RHPN2: variants seen among roughly 807,000 people sequenced by gnomAD.
RHPN2 encodes rhophilin Rho GTPase binding protein 2, also known as rhophilin-2.
A neutral mutation model predicts 79.0 loss-of-function variants in RHPN2; 40 were observed. The ratio of observed to expected loss-of-function variants is 0.51; its 90% CI spans 0.39 to 0.66. The LOEUF (loss-of-function observed/expected upper bound fraction) is 0.66. Among genes scored for constraint, RHPN2 ranks in the 30% least tolerant of loss-of-function variants. The pLI is 0.00. For synonymous variants in RHPN2, 285 were observed against 363.5 expected (o/e 0.78, Z 2.46); for missense variants, 686 against 883.5 (o/e 0.78, Z 2.83).
In RHPN2 at chr19:32,992,593, G is replaced by A. The variant is rs1207071594; in HGVS notation, c.1498-624C>T. ...TGTGACCAAGGCAGAAGGATCGCTC[G>A]AGGCCAGGGGTTTGAGACCAGCCTA... On this transcript the variant is annotated intron_variant, in intron 12 of 14. Transcript: ENST00000254260. 4.6e-5 allele frequency among the ~76,000 whole-genome samples: 7 copies of A among 152,286 alleles called. No homozygotes were observed. The South Asian group carries it at 1.0e-3, about 23-fold the overall frequency.
chr19:33,037,021 G>A (rs1972064116), intron 2 of RHPN2, among the ~76,000 whole-genome samples: 1 of 152,248 alleles, frequency 6.6e-6, no homozygotes. Context: ...AGCTCCACCT[G>A]CGGCCCTGGT....
At chr19:33,043,805 C>T (rs1972120071) in intron 2 of RHPN2, among the ~76,000 whole-genome samples, 2 of 152,148 alleles carry the variant, frequency 1.3e-5, no homozygotes, top group South Asian at 4.1e-4. Context: ...TGAGCCCTCT[C>T]ATTAGCAAGG....
At chr19:32,999,905 C>A (rs1235797282) in intron 9 of RHPN2, among the ~76,000 whole-genome samples, 200 bp from the exon 10 acceptor site, 1 of 152,138 alleles carries the variant, frequency 6.6e-6, no homozygotes, top group African/African-American at 2.4e-5. Context: ...CGGTCTCACT[C>A]TGTTACCAGG....
intron 1 of RHPN2, 29 bp downstream of exon 1, chr19:33,064,755 T>TGGGGGGGCCCCC: frequency 1.4e-6 from 2 of 1,427,948 alleles, no homozygotes; most frequent in Non-Finnish European, 1.9e-6. Flanking sequence ...AGCCCGCAGG[T>TGGGGGGGCCCCC]CCCCGCCCGC....
intron 2 of RHPN2, among the ~76,000 whole-genome samples, chr19:33,034,511 CAGA>C (rs1301272299): frequency 6.8e-6 from 1 of 147,242 alleles, no homozygotes; most frequent in East Asian, 2.0e-4. Context: ...GAGGCTGAGG[CAGA>C]AGAATGGCGT....
intron 2 of RHPN2, among the ~76,000 whole-genome samples, chr19:33,029,975 T>C (rs767348254): frequency 2.0e-5 from 3 of 152,210 alleles, no homozygotes; most frequent in Non-Finnish European, 4.4e-5. Flanking sequence ...TACTGGGGGC[T>C]GATAGCATAG....
chr19:33,056,804 T>C (rs914653575), intron 1 of RHPN2, among the ~76,000 whole-genome samples: 1 of 151,768 alleles, frequency 6.6e-6, no homozygotes, highest in Admixed American at 6.6e-5. Context: ...AGGCTGAGGC[T>C]TGGGCCCAAA....
At position 33,008,007 on chromosome 19, in the gene RHPN2, G is replaced by C. The variant is rs1490570354; in HGVS notation, c.760+7C>G. On this transcript the variant is annotated splice_region_variant and intron_variant, in intron 7 of 14. Coordinates refer to ENST00000254260, the MANE Select transcript of RHPN2 (RefSeq NM_033103.5). ...GCTCCGTCTGGTCAGCCCTGGAGGA[G>C]ACATACCTGCGGCTCTCTGAAAGGC... 6.2e-7 allele frequency: 1 copy of C among 1,612,054 alleles called. No homozygotes were observed. Among genetic ancestry groups the C allele is most frequent in the Admixed American group, 1.7e-5 (1 of 60,002 alleles).
At chr19:33,052,170 G>A (rs986280053) in intron 1 of RHPN2, among the ~76,000 whole-genome samples, 3 of 152,102 alleles carry the variant, frequency 2.0e-5, no homozygotes, top group Non-Finnish European at 4.4e-5. Context: ...AGGAAAGGGT[G>A]GTCAAGCTAC....
At chr19:32,992,405 G>T (rs980279013) in intron 12 of RHPN2, among the ~76,000 whole-genome samples, 1 of 151,898 alleles carries the variant, frequency 6.6e-6, no homozygotes, top group Admixed American at 6.6e-5. Flanking sequence ...TGGCCAGGCT[G>T]GTCTCAAACT....
chr19:32,999,814 G>A, intron 9 of RHPN2, 109 bp from the exon 10 acceptor site: 1 of 1,435,906 alleles, frequency 7.0e-7, no homozygotes, highest in South Asian at 1.2e-5. Flanking sequence ...GTTTCACAAG[G>A]CATTTGGGAT....
intron 9 of RHPN2, among the ~76,000 whole-genome samples, chr19:33,000,634 C>T (rs568091899): frequency 6.6e-6 from 1 of 152,248 alleles, no homozygotes; most frequent in East Asian, 1.9e-4. Context: ...CGGGCCTGCA[C>T]ACCTGCAGCA....
Position 33,064,756 on chromosome 19 carries a change from CCCCGCCCG to C in RHPN2, c.69+20_69+27del. 1.8e-6 allele frequency: 1 copy of C among 549,290 alleles called. No individual in the cohort carries two copies. Among genetic ancestry groups the C allele is most frequent in the Non-Finnish European group, 3.2e-6 (1 of 309,696 alleles). The allele number at this position is 549,290 out of a possible 1,614,324, so 34.0% of individuals were successfully genotyped here. A position where few individuals can be genotyped will look rare whatever the true frequency, so the allele number is the denominator to read the frequency against. ...GAAAGGAGGTCTGGAGCCCGCAGGT[CCCCGCCCG>C]CCCGCCCGAAGCCGCCCACCTTCCG... is the stretch of plus-strand genomic sequence containing the variant. On this transcript the variant is annotated intron_variant, in intron 1 of 14. Coordinates refer to ENST00000254260, the MANE Select transcript of RHPN2 (RefSeq NM_033103.5).
intron 12 of RHPN2, among the ~76,000 whole-genome samples, chr19:32,992,438 G>A (rs1200055432): frequency 5.3e-5 from 8 of 152,064 alleles, no homozygotes; most frequent in Admixed American, 1.3e-4. Flanking sequence ...TGATCCGCCC[G>A]CCTCAGCCTC....
intron 1 of RHPN2, among the ~76,000 whole-genome samples, chr19:33,063,758 G>GGCAGAAGTCCATAGTGTGA: frequency 6.6e-6 from 1 of 151,322 alleles, no homozygotes; most frequent in African/African-American, 2.4e-5. Context: ...TTATCTTCTG[G>GGCAGAAGTCCATAGTGTGA]GCCCAAGAGC....
intron 1 of RHPN2, among the ~76,000 whole-genome samples, chr19:33,046,531 T>C (rs993324792): frequency 6.6e-6 from 1 of 152,108 alleles, no homozygotes; most frequent in East Asian, 1.9e-4. Flanking sequence ...CTTCCCAATA[T>C]GCTGGGATTA....
At chr19:33,034,432 T>A (rs576597993) in intron 2 of RHPN2, among the ~76,000 whole-genome samples, 1 of 151,504 alleles carries the variant, frequency 6.6e-6, no homozygotes, top group Non-Finnish European at 1.5e-5. Context: ...AGTGAAACCC[T>A]GTCTCTACTA....
chr19:33,025,239 A>G (rs1971956018), intron 3 of RHPN2, among the ~76,000 whole-genome samples: 1 of 151,340 alleles, frequency 6.6e-6, no homozygotes. Context: ...TTGGGAGGCC[A>G]AGGCGGGCAG....
intron 2 of RHPN2, among the ~76,000 whole-genome samples, chr19:33,042,779 TA>T (rs1338523897): frequency 6.6e-6 from 1 of 151,950 alleles, no homozygotes; most frequent in East Asian, 1.9e-4. Context: ...AAATAATTTT[TA>T]AAAAATCAGT....
Sources: allele counts gnomAD v4.1 joint callset (sites outside exome capture counted in the v4.1 genomes callset), GRCh38; gene constraint gnomAD v4.1.1; transcripts MANE v1.5; gene names NCBI Gene and HGNC (gene_info 2026-07-23, HGNC 2026-07-21).